The following DGCR2 variants were observed in gnomAD, a reference collection of about 807,000 sequenced individuals.
DGCR2 encodes the protein DiGeorge syndrome critical region gene 2, also known as integral membrane protein DGCR2/IDD.
Under a neutral mutation model 51.6 loss-of-function variants are expected in DGCR2, and 24 were observed. The ratio of observed to expected loss-of-function variants is 0.47; its 90% CI spans 0.34 to 0.65. The LOEUF is 0.65. Among genes scored for constraint, DGCR2 ranks in the 30% least tolerant of loss-of-function variants. The pLI is 0.01. For missense variants in DGCR2, 765 were observed against 772.1 expected, an observed-to-expected ratio of 0.99 and a Z score of 0.11; for synonymous variants, 340 against 315.4, an observed-to-expected ratio of 1.08 and a Z score of -0.82.
At position 19,068,147 on chromosome 22, in the gene DGCR2, G is replaced by C. The variant is rs747764751; in HGVS notation, c.281C>G (p.Pro94Arg). ...PRQGRARGGDPSHFHAVNVAQ... is the reference protein window; with the variant it reads ...PRQGRARGGDRSHFHAVNVAQ... ...CACGTTCACCGCGTGGAAGTGCGAA[G>C]GGTCGCCTCCTCTGGCCCGCCCCTG... The change falls in exon 3 of 10, where the codon CCT (proline) becomes CGT (arginine). Residue 94 changes from proline (P) to arginine (R), a missense_variant. Physicochemically the swap from Pro to Arg is moderately radical, Grantham distance 103. Around this residue, in one of 3 missense-constraint regions of DGCR2, gnomAD observed 370 missense variants for 325.5 expected, o/e 1.14. Transcript: ENST00000263196. 8 of 1,610,368 alleles carry C rather than the reference G, an allele frequency of 5.0e-6. No homozygotes were observed. The Admixed American group carries it at 1.3e-4, about 27-fold the overall frequency.
intron 5 of DGCR2, among the ~76,000 whole-genome samples, chr22:19,058,493 C>T (rs1237313587): frequency 1.3e-5 from 2 of 152,174 alleles, no homozygotes; most frequent in Admixed American, 1.3e-4. Flanking sequence ...CCTCCAGGCC[C>T]CCGAGCCCCT....
intron 2 of DGCR2, among the ~76,000 whole-genome samples, chr22:19,084,089 G>A (rs1432035134): frequency 3.3e-5 from 5 of 152,208 alleles, no homozygotes; most frequent in East Asian, 1.9e-4. Context: ...CCTCCCAGCC[G>A]CCTGCCTTGG....
chr22:19,069,370 A>G (rs1305696799), intron 2 of DGCR2, among the ~76,000 whole-genome samples: 1 of 152,242 alleles, frequency 6.6e-6, no homozygotes, highest in Non-Finnish European at 1.5e-5. Flanking sequence ...TTTTTATTTA[A>G]TAAAAAATCC....
chr22:19,071,724 ATG>A (rs1249082189), intron 2 of DGCR2, among the ~76,000 whole-genome samples: 29 of 152,246 alleles, frequency 1.9e-4, no homozygotes, highest in Non-Finnish European at 7.3e-5. Flanking sequence ...CCTGTAAAGG[ATG>A]TTCTGGGGAT....
Position 19,042,152 on chromosome 22 carries a change from A to C in DGCR2, c.1007-193T>G, listed in dbSNP as rs183224446. ...AAGAACATGGTGACAGCACAGAAGCAGAAGAGCGAATCCCAGGTCAGGAGG... is the reference window on the plus strand; with the variant it reads ...AAGAACATGGTGACAGCACAGAAGCCGAAGAGCGAATCCCAGGTCAGGAGG... On this transcript the variant is annotated intron_variant, in intron 7 of 9. Coordinates refer to ENST00000263196, the MANE Select transcript of DGCR2 (RefSeq NM_005137.3). 3.1e-4 allele frequency among the ~76,000 whole-genome samples: 47 copies of C among 152,354 alleles called. No homozygotes were observed. The East Asian group carries it at 8.3e-3, about 27-fold the overall frequency.
In DGCR2 at chr22:19,037,893, G is replaced by C. The variant is rs2082388376; in HGVS notation, c.*972C>G. ...CGGTGATGTAAGGAGTGGACTTTAA[G>C]GAGATAGATGCAGCCCAGGATGGTG... On this transcript the variant is annotated 3_prime_UTR_variant, in exon 10 of 10. Coordinates refer to ENST00000263196, the MANE Select transcript of DGCR2 (RefSeq NM_005137.3). The C allele has an allele frequency of 3.3e-5, 5 of 152,600 alleles. No homozygotes were observed. The highest frequency in any genetic ancestry group is 3.3e-4 in the Admixed American group (5 of 15,280). The allele number at this position is 152,600 out of a possible 1,614,324, so 9.5% of individuals were successfully genotyped here. A position where few individuals can be genotyped will look rare whatever the true frequency, so the allele number is the denominator to read the frequency against.
At chr22:19,084,372 AC>A (rs1315967440) in intron 2 of DGCR2, among the ~76,000 whole-genome samples, 1 of 140,078 alleles carries the variant, frequency 7.1e-6, no homozygotes, top group Non-Finnish European at 1.5e-5. Flanking sequence ...CCCGGCCACG[AC>A]CCCGTCTGGG....
At chr22:19,093,890 C>G (rs1203680548) in intron 1 of DGCR2, among the ~76,000 whole-genome samples, 1 of 152,128 alleles carries the variant, frequency 6.6e-6, no homozygotes, top group African/African-American at 2.4e-5. Flanking sequence ...CCTGTAGTCC[C>G]AGCTACTCAG....
Position 19,038,693 on chromosome 22 carries a change from T to A in DGCR2, c.*172A>T. 1.2e-6 allele frequency: 1 copy of A among 836,298 alleles called. No homozygotes were observed. The highest frequency in any genetic ancestry group is 1.8e-6 in the Non-Finnish European group (1 of 541,358). 51.8% of individuals were successfully genotyped at this position (836,298 alleles called of 1,614,324 possible). On this transcript the variant is annotated 3_prime_UTR_variant, in exon 10 of 10. Coordinates refer to ENST00000263196, the MANE Select transcript of DGCR2 (RefSeq NM_005137.3). ...AGGAAGCTCGGTGCAGGCCATCACT[T>A]CTTTTGGCAGAAGGCGGGCTGTGGT...
At chr22:19,108,816 G>T (rs1307724169) in intron 1 of DGCR2, among the ~76,000 whole-genome samples, 1 of 149,890 alleles carries the variant, frequency 6.7e-6, no homozygotes. Context: ...GAGCCCAGGA[G>T]CTCAAGACCA....
At chr22:19,105,340 G>T (rs2048425298) in intron 1 of DGCR2, among the ~76,000 whole-genome samples, 1 of 152,110 alleles carries the variant, frequency 6.6e-6, no homozygotes. Context: ...TAAAAAAATA[G>T]GGAGGACAGA....
At chr22:19,092,638 A>T (rs1035765453) in intron 1 of DGCR2, among the ~76,000 whole-genome samples, 1 of 152,204 alleles carries the variant, frequency 6.6e-6, no homozygotes. Flanking sequence ...CAAATATTTA[A>T]GGAAGAATTG....
chr22:19,121,116 C>G (rs1043334851), intron 1 of DGCR2, among the ~76,000 whole-genome samples: 2 of 152,228 alleles, frequency 1.3e-5, no homozygotes, highest in Admixed American at 6.5e-5. Context: ...GGCCACACAC[C>G]CCGTGCTCCC....
intron 2 of DGCR2, among the ~76,000 whole-genome samples, chr22:19,082,165 T>C (rs1023892436): frequency 1.4e-5 from 2 of 145,976 alleles, no homozygotes; most frequent in African/African-American, 5.3e-5. Flanking sequence ...CTTCCCACCT[T>C]AGCCTACTGA....
At chr22:19,050,939 A>C (rs1418151950) in intron 6 of DGCR2, among the ~76,000 whole-genome samples, 18 of 152,210 alleles carry the variant, frequency 1.2e-4, no homozygotes, top group Non-Finnish European at 1.8e-4. Context: ...CTGTAATCCC[A>C]GCACTTTGTG....
At chr22:19,073,088 C>A (rs971770082) in intron 2 of DGCR2, among the ~76,000 whole-genome samples, 1 of 151,900 alleles carries the variant, frequency 6.6e-6, no homozygotes, top group African/African-American at 2.4e-5. Flanking sequence ...AAGACCCTGT[C>A]TCTATGAAAA....
chr22:19,100,536 G>T (rs1431594628), intron 1 of DGCR2, among the ~76,000 whole-genome samples: 1 of 151,774 alleles, frequency 6.6e-6, no homozygotes, highest in East Asian at 2.0e-4. Flanking sequence ...CGTGGTGGTG[G>T]GTGCCTGTGG....
chr22:19,094,553 TA>T (rs1569078482), intron 1 of DGCR2, among the ~76,000 whole-genome samples: 1 of 152,262 alleles, frequency 6.6e-6, no homozygotes, highest in Non-Finnish European at 1.5e-5. Context: ...AGTGAAAATG[TA>T]AATGGTACAA....
intron 5 of DGCR2, chr22:19,060,702 A>G (rs1321645447): frequency 6.7e-6 from 2 of 300,280 alleles, no homozygotes; most frequent in African/African-American, 2.2e-5. Flanking sequence ...TCCTGGCCTC[A>G]TGTCTTCTGG....
Sources: gnomAD v4.1 joint callset for allele counts (sites outside exome capture counted in the v4.1 genomes callset) on GRCh38, gnomAD v4.1.1 for gene constraint, gnomAD v4.1.1 regional missense constraint, MANE v1.5 for transcripts, NCBI Gene and HGNC (gene_info 2026-07-23, HGNC 2026-07-21) for gene names.